GDI2: variants seen among roughly 807,000 people sequenced by gnomAD.
GDI2 encodes the protein GDP dissociation inhibitor 2, also known as rab GDP dissociation inhibitor beta.
A neutral mutation model predicts 54.2 loss-of-function variants in GDI2; 22 were observed. That is an observed-to-expected ratio of 0.41 (90% CI 0.29 to 0.58). GDI2 has a LOEUF of 0.58. Among genes scored for constraint, GDI2 ranks in the 20% least tolerant of loss-of-function variants. The pLI, the probability that GDI2 is intolerant of heterozygous loss-of-function variation, is 0.35. For missense variants in GDI2, 422 were observed against 546.0 expected (o/e 0.77, Z 2.26); for synonymous variants, 177 against 182.1 (o/e 0.97, Z 0.23).
chr10:5,806,359 A>AAGCCCCAGAGTTCAACACC (rs1234227510), intron 1 of GDI2, among the ~76,000 whole-genome samples: 1 of 150,992 alleles, frequency 6.6e-6, no homozygotes, highest in Non-Finnish European at 1.5e-5. Context: ...AGAATCGCTT[A>AAGCCCCAGAGTTCAACACC]AGCCCAGGTA....
At chr10:5,785,320 C>G (rs1407877466) in intron 5 of GDI2, 47 bp from the exon 6 acceptor site, 1 of 1,367,466 alleles carries the variant, frequency 7.3e-7, no homozygotes, top group East Asian at 2.4e-5. Flanking sequence ...AGTTTTCATT[C>G]ATGGTGTTCA....
At chr10:5,772,209 ACCC>A in intron 7 of GDI2, among the ~76,000 whole-genome samples, 1 of 152,196 alleles carries the variant, frequency 6.6e-6, no homozygotes, top group East Asian at 1.9e-4. Context: ...GATACTGATG[ACCC>A]CAACCCCACA....
rs1240067046 is a variant in GDI2 at position 5,787,633 on chromosome 10, T to C, written c.389-1583A>G. On this transcript the variant is annotated intron_variant, in intron 4 of 10. Coordinates refer to ENST00000380191, the MANE Select transcript of GDI2 (RefSeq NM_001494.4). Reference sequence around the variant, plus strand: ...CACACAGTAAAGGCATAAGGCTGAATAGAAATATCCTATTACCACATCAGC... The same window carrying C: ...CACACAGTAAAGGCATAAGGCTGAACAGAAATATCCTATTACCACATCAGC... Among the ~76,000 whole-genome samples, 4 of 152,244 alleles carry C rather than the reference T, an allele frequency of 2.6e-5. 1 individual carries two copies. Among genetic ancestry groups the C allele is most frequent in the South Asian group, 4.1e-4 (2 of 4,830 alleles).
At chr10:5,803,502 TTTA>T (rs888667928) in intron 1 of GDI2, among the ~76,000 whole-genome samples, 2 of 152,222 alleles carry the variant, frequency 1.3e-5, no homozygotes, top group African/African-American at 4.8e-5. Context: ...TTGTCAGTGA[TTTA>T]TTTATTCCTC....
At chr10:5,807,550 A>C (rs1252057857) in intron 1 of GDI2, among the ~76,000 whole-genome samples, 1 of 152,264 alleles carries the variant, frequency 6.6e-6, no homozygotes, top group East Asian at 1.9e-4. Context: ...ATTCACATCC[A>C]AAATCACTAA....
chr10:5,812,556 T>A (rs566331373), intron 1 of GDI2, among the ~76,000 whole-genome samples: 2 of 151,986 alleles, frequency 1.3e-5, no homozygotes, highest in South Asian at 2.1e-4. Context: ...TTGAAAAAAC[T>A]CAATTCCAAT....
chr10:5,810,468 C>T (rs1040994225), intron 1 of GDI2, among the ~76,000 whole-genome samples: 6 of 152,096 alleles, frequency 3.9e-5, no homozygotes, highest in Non-Finnish European at 5.9e-5. Context: ...GTAAATGTTG[C>T]CAGCCTAACA....
intron 1 of GDI2, among the ~76,000 whole-genome samples, chr10:5,809,253 A>ACAAAAAAAAAAAC (rs1427241691): frequency 1.3e-5 from 2 of 151,690 alleles, no homozygotes; most frequent in East Asian, 1.9e-4. Context: ...TCAAAAAAAA[A>ACAAAAAAAAAAAC]CAAAAAAAAA....
At chr10:5,795,128 A>G (rs1841117530) in intron 3 of GDI2, 109 bp from the exon 4 acceptor site, 1 of 696,414 alleles carries the variant, frequency 1.4e-6, no homozygotes, top group East Asian at 2.7e-5. Context: ...CAATAACTCC[A>G]ACAAAATAAT....
intron 6 of GDI2, among the ~76,000 whole-genome samples, chr10:5,775,883 G>A (rs1808484860): frequency 6.6e-6 from 1 of 152,178 alleles, no homozygotes; most frequent in Non-Finnish European, 1.5e-5. Context: ...GGCCCGTGGA[G>A]CAGTGCTGGA....
intron 4 of GDI2, among the ~76,000 whole-genome samples, chr10:5,792,472 C>G (rs1006503476): frequency 6.6e-6 from 1 of 152,164 alleles, no homozygotes; most frequent in African/African-American, 2.4e-5. Flanking sequence ...ACCTCTCCAC[C>G]TTTCCTTACC....
intron 6 of GDI2, among the ~76,000 whole-genome samples, chr10:5,784,336 CTTTTT>C (rs1376201915): frequency 6.6e-6 from 1 of 152,144 alleles, no homozygotes; most frequent in Non-Finnish European, 1.5e-5. Context: ...TCCTGTATCA[CTTTTT>C]TTGTTTTGCT....
chr10:5,800,794 C>T, intron 1 of GDI2, 89 bp from the exon 2 acceptor site: 1 of 748,632 alleles, frequency 1.3e-6, no homozygotes, highest in Non-Finnish European at 2.4e-6. Context: ...TACACATTCT[C>T]TTAGTAATTA....
At chr10:5,784,136 T>C (rs892852825) in intron 6 of GDI2, among the ~76,000 whole-genome samples, 4 of 152,344 alleles carry the variant, frequency 2.6e-5, no homozygotes, top group East Asian at 3.9e-4. Context: ...TTTAAATTCT[T>C]TTTTGTCTTT....
At position 5,768,090 on chromosome 10, in the gene GDI2, C is replaced by T; in HGVS notation, c.991+123G>A. On this transcript the variant is annotated intron_variant, in intron 8 of 10. Coordinates refer to ENST00000380191, the MANE Select transcript of GDI2 (RefSeq NM_001494.4). The surrounding 1 kb of genome is among the most constrained non-coding windows in gnomAD (Gnocchi z 4.4). ...AGGAGGAGGTACAAAGATTTTTTTC[C>T]CCCATATGTAAACCAAGGTCTGTTC... 1.4e-6 allele frequency: 1 copy of T among 740,526 alleles called. No homozygotes were observed. The highest frequency in any genetic ancestry group is 2.3e-6 in the Non-Finnish European group (1 of 442,724). The allele number at this position is 740,526 out of a possible 1,614,324, so 45.9% of individuals were successfully genotyped here. A position where few individuals can be genotyped will look rare whatever the true frequency, so the allele number is the denominator to read the frequency against.
In GDI2 at chr10:5,809,182, T is replaced by A. The variant is rs1194739147; in HGVS notation, c.45+4032A>T. Among the ~76,000 whole-genome samples, 3 of 148,552 alleles carry A rather than the reference T, an allele frequency of 2.0e-5. No individual in the cohort carries two copies. The East Asian group carries it at 6.0e-4, about 29-fold the overall frequency. On this transcript the variant is annotated intron_variant, in intron 1 of 10. Transcript: ENST00000380191. ...ACTGCTTGAACCTGGGAAGCAGAGG[T>A]TGCGGTGAGCCGAGATCACATCACT...
chr10:5,790,318 GCTTA>G (rs1273381313), intron 4 of GDI2, among the ~76,000 whole-genome samples: 1 of 152,036 alleles, frequency 6.6e-6, no homozygotes, highest in Non-Finnish European at 1.5e-5. Context: ...CTTTTCTATA[GCTTA>G]CTTGATTGTA....
chr10:5,778,439 G>C (rs575281013), intron 6 of GDI2, among the ~76,000 whole-genome samples: 1 of 152,242 alleles, frequency 6.6e-6, no homozygotes, highest in Admixed American at 6.5e-5. Context: ...TGTGCATTTT[G>C]TTTAAATAAG....
intron 7 of GDI2, among the ~76,000 whole-genome samples, chr10:5,771,881 A>G (rs1436072617): frequency 4.6e-5 from 7 of 152,266 alleles, no homozygotes; most frequent in Non-Finnish European, 2.9e-5. Context: ...CACGAGGTCA[A>G]GAAACCAAGA....
Sources: gnomAD v4.1 joint callset for allele counts (sites outside exome capture counted in the v4.1 genomes callset) on GRCh38, gnomAD v4.1.1 for gene constraint, Gnocchi (gnomAD v3.1) non-coding constraint, MANE v1.5 for transcripts, NCBI Gene and HGNC (gene_info 2026-07-23, HGNC 2026-07-21) for gene names.